TEK: variants seen among roughly 807,000 people sequenced by gnomAD.
TEK encodes the protein angiopoietin-1 receptor.
TEK carries 43 observed loss-of-function variants against 131.8 expected under a neutral mutation model. That is an observed-to-expected ratio of 0.33 (90% confidence interval 0.26 to 0.42). The LOEUF is 0.42. TEK is among the 10% of genes least tolerant of loss of function. The probability of loss-of-function intolerance (pLI) is 1.00; values close to 1 mark genes in which losing one functional copy is unlikely to be tolerated. For synonymous variants in TEK, 580 were observed against 491.6 expected (o/e 1.18, Z -2.38); for missense variants, 1,162 against 1,384.4 (o/e 0.84, Z 2.55).
At chr9:27,181,455 T>G (rs953841513) in intron 7 of TEK, among the ~76,000 whole-genome samples, 2 of 152,212 alleles carry the variant, frequency 1.3e-5, no homozygotes, top group African/African-American at 4.8e-5. Flanking sequence ...CTCTGTAGAT[T>G]GCCTGTTCTT....
Position 27,150,654 on chromosome 9 carries a change from C to A in TEK, c.53-7177C>A, listed in dbSNP as rs180916425. ...GGCTTGCACCAAGCAGTCTGTAAAA[C>A]CTCTTCCGGTGTAAACAATCCTTGA... On this transcript the variant is annotated intron_variant, in intron 1 of 22. Coordinates refer to ENST00000380036, the MANE Select transcript of TEK (RefSeq NM_000459.5). 1.4e-3 allele frequency among the ~76,000 whole-genome samples: 211 copies of A among 152,246 alleles called. 1 individual carries two copies. Among genetic ancestry groups the A allele is most frequent in the African/African-American group, 4.8e-3 (200 of 41,548 alleles).
chr9:27,173,671 G>A (rs112324616), intron 6 of TEK, among the ~76,000 whole-genome samples: 6 of 150,302 alleles, frequency 4.0e-5, no homozygotes, highest in African/African-American at 1.2e-4. Flanking sequence ...AAGTAGTTCC[G>A]ATGTTACTGG....
chr9:27,227,463 A>C (rs906623470), intron 21 of TEK, among the ~76,000 whole-genome samples: 2 of 152,204 alleles, frequency 1.3e-5, no homozygotes, highest in African/African-American at 4.8e-5. Flanking sequence ...TACCATAAAC[A>C]TGGTGGCTTA....
intron 12 of TEK, chr9:27,198,282 A>C (rs2131198736): frequency 6.3e-6 from 1 of 159,048 alleles, no homozygotes; most frequent in Admixed American, 6.0e-5. Flanking sequence ...AGTCAGGATC[A>C]TGTGGTCTAT....
chr9:27,188,513 A>C (rs1824683698), intron 9 of TEK, among the ~76,000 whole-genome samples: 1 of 152,158 alleles, frequency 6.6e-6, no homozygotes, highest in African/African-American at 2.4e-5. Context: ...GGGTGGCCTT[A>C]TTTTATCATA....
chr9:27,179,764 CCT>C (rs906329722), intron 6 of TEK, among the ~76,000 whole-genome samples: 3 of 152,028 alleles, frequency 2.0e-5, no homozygotes, highest in Admixed American at 2.0e-4. Flanking sequence ...CTGGGTTTTC[CCT>C]CTCTCTCCAG....
chr9:27,109,537 TCCTTGGGA>T lies in TEK; in HGVS notation c.-50_-43del. ...ACAAACCGCTGGGTTTTTGAAAGGA[TCCTTGGGA>T]CCTCATGCACATTTGTGGAAACTGG... On this transcript the variant is annotated 5_prime_UTR_variant, in exon 1 of 23. Transcript: ENST00000380036. 6.3e-7 allele frequency: 1 copy of T among 1,597,048 alleles called. No individual in the cohort carries two copies. The highest frequency in any genetic ancestry group is 2.2e-5 in the East Asian group (1 of 44,806).
rs544157730 is a variant in TEK, at chr9:27,226,264, A to G, written c.3201-1942A>G. On this transcript the variant is annotated intron_variant, in intron 21 of 22. Transcript: ENST00000380036. ...CCACAGGATTATAAATCATTCTACT[A>G]TAAAGACACATGCACACGTATGTTT... 2.8e-4 allele frequency among the ~76,000 whole-genome samples: 42 copies of G among 152,362 alleles called. No individual in the cohort carries two copies. The South Asian group carries it at 8.1e-3, about 29-fold the overall frequency.
chr9:27,218,133 C>CGGGG (rs1429206297), intron 19 of TEK, among the ~76,000 whole-genome samples: 17 of 143,922 alleles, frequency 1.2e-4, no homozygotes, highest in African/African-American at 2.8e-4. Context: ...CAGACAGTGG[C>CGGGG]GGGGGTCGTC....
At chr9:27,188,708 T>C (rs570510863) in intron 9 of TEK, among the ~76,000 whole-genome samples, 93 of 152,288 alleles carry the variant, frequency 6.1e-4, no homozygotes, top group African/African-American at 2.1e-3. Flanking sequence ...ACTTAGTCAA[T>C]AGAATTTACT....
Position 27,212,790 on chromosome 9 carries a change from C to A in TEK, c.2770C>A (p.Pro924Thr). The change falls in exon 17 of 23, where the codon CCA becomes ACA. Residue 924 changes from proline (P) to threonine (T), a missense_variant. Physicochemically the swap from Pro to Thr is conservative, Grantham distance 38. Around this residue, in one of 6 missense-constraint regions of TEK, gnomAD observed 107 missense variants for 173.9 expected, o/e 0.62. Transcript: ENST00000380036. ...LRKSRVLETD[P>T]AFAIANSTAS... is the part of the protein sequence containing the mutation. ...CAAGAGCCGTGTGCTGGAGACGGACCCAGCATTTGCCATTGCCAATAGCAC... is the reference window on the plus strand; with the variant it reads ...CAAGAGCCGTGTGCTGGAGACGGACACAGCATTTGCCATTGCCAATAGCAC... The A allele has an allele frequency of 6.2e-7, 1 of 1,614,132 alleles. No individual in the cohort carries two copies. Among genetic ancestry groups the A allele is most frequent in the Non-Finnish European group, 8.5e-7 (1 of 1,180,024 alleles).
At chr9:27,113,947 A>G (rs1446021065) in intron 1 of TEK, among the ~76,000 whole-genome samples, 1 of 152,182 alleles carries the variant, frequency 6.6e-6, no homozygotes, top group Non-Finnish European at 1.5e-5. Flanking sequence ...CCATTTAGAA[A>G]TGGCATCTTT....
intron 18 of TEK, 55 bp downstream of exon 18, chr9:27,213,652 C>G: frequency 7.5e-7 from 1 of 1,337,670 alleles, no homozygotes; most frequent in Non-Finnish European, 1.1e-6. Flanking sequence ...TCCCCTGTCT[C>G]CTGATGTTGC....
At chr9:27,140,814 C>T (rs1286956406) in intron 1 of TEK, among the ~76,000 whole-genome samples, 1 of 152,050 alleles carries the variant, frequency 6.6e-6, no homozygotes, top group Admixed American at 6.6e-5. Context: ...ATTTGGAGAA[C>T]AAAGATACAT....
intron 9 of TEK, 28 bp from the exon 10 acceptor site, chr9:27,190,501 C>A: frequency 1.9e-6 from 3 of 1,613,716 alleles, no homozygotes; most frequent in Non-Finnish European, 2.5e-6. Context: ...AGCCGAAGGA[C>A]TAATCTGCCT....
chr9:27,196,067 C>T (rs1824997510), intron 11 of TEK, among the ~76,000 whole-genome samples: 1 of 152,174 alleles, frequency 6.6e-6, no homozygotes, highest in African/African-American at 2.4e-5. Context: ...GAAGGAACCC[C>T]TAAATTGCTT....
Position 27,203,060 on chromosome 9 carries a change from A to G in TEK, c.2150A>G (p.Asn717Ser), listed in dbSNP as rs1825276956. ...AYQVDIFAEN[N>S]IGSSNPAFSH... ...CAGGTGGACATTTTTGCAGAGAACAACATAGGGTCAAGCAACCCAGCCTTT... is the reference window on the plus strand; with the variant it reads ...CAGGTGGACATTTTTGCAGAGAACAGCATAGGGTCAAGCAACCCAGCCTTT... The change falls in exon 13 of 23, where the codon AAC becomes AGC. Residue 717 changes from asparagine to serine, a missense_variant. Physicochemically the swap from Asn to Ser is conservative, Grantham distance 46 (BLOSUM62 1). Around this residue, in one of 6 missense-constraint regions of TEK, gnomAD observed 477 missense variants for 471.0 expected, o/e 1.01. Transcript: ENST00000380036. The G allele has an allele frequency of 6.2e-7, 1 of 1,614,160 alleles. No homozygotes were observed. The highest frequency in any genetic ancestry group is 8.5e-7 in the Non-Finnish European group (1 of 1,179,994).
intron 15 of TEK, among the ~76,000 whole-genome samples, chr9:27,207,436 A>C (rs1160328220): frequency 6.6e-6 from 1 of 152,208 alleles, no homozygotes; most frequent in African/African-American, 2.4e-5. Flanking sequence ...TTGCAGAGAA[A>C]ACCACTGACT....
chr9:27,193,164 AC>A (rs1824884006), intron 11 of TEK, among the ~76,000 whole-genome samples: 1 of 151,714 alleles, frequency 6.6e-6, no homozygotes, highest in African/African-American at 2.4e-5. Context: ...TCCACCCTCC[AC>A]CTCCCAGTCC....
Sources: gnomAD v4.1 joint callset for allele counts (sites outside exome capture counted in the v4.1 genomes callset) on GRCh38, gnomAD v4.1.1 for gene constraint, gnomAD v4.1.1 regional missense constraint, MANE v1.5 for transcripts, NCBI Gene and HGNC (gene_info 2026-07-23, HGNC 2026-07-21) for gene names.